Variants in GAS2 observed in about 807,000 individuals in gnomAD.
The protein encoded by GAS2 is growth arrest-specific protein 2.
A neutral mutation model predicts 37.5 loss-of-function variants in GAS2; 20 were observed. That is an observed-to-expected ratio of 0.53 (90% CI 0.37 to 0.77). The LOEUF is 0.77. GAS2 is among the 30% of genes least tolerant of loss of function. GAS2 has a pLI of 0.00. For missense variants in GAS2, 336 were observed against 373.4 expected, an observed-to-expected ratio of 0.90 and a Z score of 0.82; for synonymous variants, 144 against 132.2, an observed-to-expected ratio of 1.09 and a Z score of -0.61.
intron 6 of GAS2, among the ~76,000 whole-genome samples, chr11:22,751,010 C>T (rs756016180): frequency 6.6e-6 from 1 of 151,968 alleles, no homozygotes; most frequent in Non-Finnish European, 1.5e-5. Context: ...CTGTTGACCA[C>T]TCCATTCTTG....
rs1174678102 is a variant in GAS2, at chr11:22,764,584, CA to C, written c.723+8637del. ...CTCAAAAAAAAAAAAAAAAAAAGAACAAAAAAGCAAGAAAGACAATGAAATT... is the reference window on the plus strand; with the variant it reads ...CTCAAAAAAAAAAAAAAAAAAAGAACAAAAAGCAAGAAAGACAATGAAATT... On this transcript the variant is annotated intron_variant, in intron 7 of 7. Transcript: ENST00000454584. Among the ~76,000 whole-genome samples, 166 of 34,114 alleles carry C rather than the reference CA, an allele frequency of 4.9e-3. 1 individual carries two copies. Among genetic ancestry groups the C allele is most frequent in the African/African-American group, 7.5e-3 (161 of 21,462 alleles). 22.4% of individuals were successfully genotyped at this position (34,114 alleles called of 152,430 possible).
chr11:22,754,192 T>C (rs1211707913), intron 6 of GAS2, among the ~76,000 whole-genome samples: 4 of 152,076 alleles, frequency 2.6e-5, no homozygotes, highest in South Asian at 2.1e-4. Context: ...ATTATTTTGT[T>C]CCTCTAATTT....
At chr11:22,674,814 G>A in intron 1 of GAS2, 36 bp from the exon 2 acceptor site, 4 of 1,492,796 alleles carry the variant, frequency 2.7e-6, no homozygotes, top group Non-Finnish European at 3.6e-6. Context: ...AGAGAAGTCT[G>A]TATAAAAAGC....
chr11:22,690,951 G>A (rs181234993), intron 3 of GAS2, among the ~76,000 whole-genome samples: 1 of 152,236 alleles, frequency 6.6e-6, no homozygotes, highest in East Asian at 1.9e-4. Flanking sequence ...CGTGGGGCAA[G>A]ACATTCAAAA....
intron 3 of GAS2, among the ~76,000 whole-genome samples, chr11:22,700,106 T>G (rs1248414808): frequency 6.6e-6 from 1 of 152,166 alleles, no homozygotes; most frequent in Non-Finnish European, 1.5e-5. Context: ...TGTACCATAC[T>G]GTTGTACTTA....
At chr11:22,731,735 G>A (rs995535964) in intron 4 of GAS2, among the ~76,000 whole-genome samples, 3 of 151,502 alleles carry the variant, frequency 2.0e-5, no homozygotes, top group Admixed American at 2.0e-4. Context: ...TCTTGTTTTT[G>A]TCTATATTGA....
chr11:22,738,824 GA>G (rs1464731078), intron 5 of GAS2, among the ~76,000 whole-genome samples: 2 of 152,152 alleles, frequency 1.3e-5, no homozygotes, highest in Non-Finnish European at 2.9e-5. Context: ...TAATCTTCAT[GA>G]ATTGTGCATC....
chr11:22,766,049 A>G (rs1854675367), intron 7 of GAS2, among the ~76,000 whole-genome samples: 1 of 152,188 alleles, frequency 6.6e-6, no homozygotes, highest in Non-Finnish European at 1.5e-5. Context: ...CACCAAAGGG[A>G]TGGCCCAAGC....
intron 4 of GAS2, among the ~76,000 whole-genome samples, chr11:22,728,129 G>A (rs1375209054): frequency 6.6e-6 from 1 of 151,944 alleles, no homozygotes; most frequent in Non-Finnish European, 1.5e-5. Context: ...CATTTTCTCA[G>A]TGATTACTAT....
At chr11:22,780,375 G>T (rs941452995) in intron 7 of GAS2, among the ~76,000 whole-genome samples, 1 of 151,902 alleles carries the variant, frequency 6.6e-6, no homozygotes, top group African/African-American at 2.4e-5. Flanking sequence ...TGCACTTGTA[G>T]TCCCAGCTAC....
chr11:22,652,847 G>T (rs777064209), intron 1 of GAS2, among the ~76,000 whole-genome samples: 33 of 152,268 alleles, frequency 2.2e-4, no homozygotes, highest in African/African-American at 5.8e-4. Context: ...GATGAATCCG[G>T]TACCTCAGAT....
chr11:22,716,190 C>CAGGTGG (rs2134110783), intron 3 of GAS2, among the ~76,000 whole-genome samples: 1 of 152,210 alleles, frequency 6.6e-6, no homozygotes, highest in East Asian at 1.9e-4. Context: ...AGGGACATAC[C>CAGGTGG]TTAAGTTAAT....
intron 5 of GAS2, among the ~76,000 whole-genome samples, chr11:22,744,019 T>C (rs982011676): frequency 6.6e-6 from 1 of 151,952 alleles, no homozygotes; most frequent in Non-Finnish European, 1.5e-5. Context: ...ACACCCTAGG[T>C]ACACAAACTA....
chr11:22,659,609 T>C (rs1315763390), intron 1 of GAS2, among the ~76,000 whole-genome samples: 1 of 152,224 alleles, frequency 6.6e-6, no homozygotes, highest in Admixed American at 6.5e-5. Flanking sequence ...TTCTCTGTGA[T>C]GTGGAATCTT....
chr11:22,765,433 A>G (rs774024985), intron 7 of GAS2, among the ~76,000 whole-genome samples: 2 of 152,180 alleles, frequency 1.3e-5, no homozygotes, highest in Non-Finnish European at 2.9e-5. Flanking sequence ...TTTTTATCCT[A>G]TATTTCTATA....
At chr11:22,726,470 C>T (rs375632335) in intron 4 of GAS2, 37 bp downstream of exon 4, 89 of 1,568,112 alleles carry the variant, frequency 5.7e-5, no homozygotes, top group Middle Eastern at 3.4e-4. Context: ...TGATAAGATA[C>T]GCAAATTATC....
At chr11:22,780,799 G>T (rs542343386) in intron 7 of GAS2, among the ~76,000 whole-genome samples, 4 of 152,088 alleles carry the variant, frequency 2.6e-5, no homozygotes, top group South Asian at 2.1e-4. Context: ...GCAAAAAAAT[G>T]GAGAAAAAGA....
At chr11:22,788,925 T>C (rs542643139) in intron 7 of GAS2, among the ~76,000 whole-genome samples, 15 of 152,110 alleles carry the variant, frequency 9.9e-5, no homozygotes, top group East Asian at 1.9e-4. Context: ...TTAAAGTCCA[T>C]ATCACAGTGT....
chr11:22,629,106 A>T (rs1858709985), intron 1 of GAS2, among the ~76,000 whole-genome samples: 1 of 151,932 alleles, frequency 6.6e-6, no homozygotes, highest in Non-Finnish European at 1.5e-5. Flanking sequence ...TATCTTTGCA[A>T]TTGTGAATTA....
Sources: allele counts gnomAD v4.1 joint callset (sites outside exome capture counted in the v4.1 genomes callset), GRCh38; gene constraint gnomAD v4.1.1; transcripts MANE v1.5; gene names NCBI Gene and HGNC (gene_info 2026-07-23, HGNC 2026-07-21).